Variants in ANKRD11 observed in about 807,000 individuals in gnomAD.
ANKRD11 encodes ankyrin repeat domain 11.
ANKRD11 carries 17 observed loss-of-function variants against 195.7 expected under a neutral mutation model. The observed-to-expected ratio is 0.09, with a 90% CI of 0.06 to 0.13. The LOEUF (loss-of-function observed/expected upper bound fraction) is 0.13, where lower values mean the gene tolerates loss of function less well. Ranked by LOEUF, ANKRD11 falls within the 10% of genes least tolerant of loss-of-function variation. ANKRD11 has a pLI of 1.00. For synonymous variants in ANKRD11, 1,953 were observed against 1,528.1 expected, an observed-to-expected ratio of 1.28 and a Z score of -6.49; for missense variants, 3,735 against 3,566.1, an observed-to-expected ratio of 1.05 and a Z score of -1.21.
chr16:89,439,038 T>TA (rs942792271), intron 1 of ANKRD11, among the ~76,000 whole-genome samples: 11 of 147,504 alleles, frequency 7.5e-5, no homozygotes, highest in South Asian at 2.1e-4. Context: ...ACCTTTCTCT[T>TA]AAAAAAAACA....
rs753691962 is a variant in ANKRD11, at chr16:89,280,280, C to A, written c.6262G>T (p.Ala2088Ser). The change falls in exon 9 of 13, where the codon GCT becomes TCT. Residue 2088 changes from alanine (A) to serine (S), a missense_variant. Transcript: ENST00000301030. The part of the protein sequence containing the change: ...DVAPEPACVA[A>S]VAQVEALGPL... ...CCCAGAGCCTCCACCTGAGCCACAG[C>A]GGCTACACAGGCGGGCTCGGGGGCC... 8.1e-6 allele frequency: 13 copies of A among 1,607,292 alleles called. No homozygotes were observed. Among genetic ancestry groups the A allele is most frequent in the Non-Finnish European group, 1.1e-5 (13 of 1,178,116 alleles).
At chr16:89,290,318 G>C (rs1597483753) in intron 6 of ANKRD11, among the ~76,000 whole-genome samples, 2 of 126,840 alleles carry the variant, frequency 1.6e-5, no homozygotes, top group African/African-American at 6.2e-5. Flanking sequence ...GCTCCAATGG[G>C]GGGAGGCTCA....
chr16:89,287,239 C>T (rs1453690614), intron 7 of ANKRD11: 1 of 474,322 alleles, frequency 2.1e-6, no homozygotes, highest in Non-Finnish European at 3.5e-6. Flanking sequence ...TCCTCGGGTT[C>T]TAACCTCTCC....
chr16:89,384,392 G>A (rs1346981313), intron 2 of ANKRD11, among the ~76,000 whole-genome samples: 3 of 152,224 alleles, frequency 2.0e-5, no homozygotes, highest in African/African-American at 4.8e-5. Context: ...TTAGCTAGGC[G>A]TAGTGGTGCA....
chr16:89,442,406 T>C (rs1309588023), intron 1 of ANKRD11, among the ~76,000 whole-genome samples: 2 of 152,320 alleles, frequency 1.3e-5, no homozygotes, highest in South Asian at 4.1e-4. Context: ...ACCTGTTTTG[T>C]AGAGACCAAG....
intron 1 of ANKRD11, among the ~76,000 whole-genome samples, chr16:89,467,015 TA>T (rs1445320486): frequency 2.0e-5 from 3 of 152,306 alleles, no homozygotes; most frequent in Admixed American, 2.0e-4. Flanking sequence ...TAGTTATGAA[TA>T]ACAAATGACA....
chr16:89,446,036 T>C (rs541229373), intron 1 of ANKRD11, among the ~76,000 whole-genome samples: 117 of 151,636 alleles, frequency 7.7e-4, no homozygotes, highest in African/African-American at 2.8e-3. Flanking sequence ...CTAGTATATG[T>C]TCCTGCCTAA....
At chr16:89,468,144 G>A (rs1029831898) in intron 1 of ANKRD11, among the ~76,000 whole-genome samples, 1 of 152,086 alleles carries the variant, frequency 6.6e-6, no homozygotes, top group African/African-American at 2.4e-5. Context: ...TCATGAACTT[G>A]GAAAGAAGGG....
chr16:89,467,099 A>C (rs2152343350), intron 1 of ANKRD11, among the ~76,000 whole-genome samples: 1 of 152,264 alleles, frequency 6.6e-6, no homozygotes, highest in African/African-American at 2.4e-5. Context: ...GGAGAAAAAG[A>C]CCACATAATC....
intron 6 of ANKRD11, among the ~76,000 whole-genome samples, chr16:89,289,373 A>ATT (rs1203469992): frequency 6.6e-6 from 1 of 152,198 alleles, no homozygotes; most frequent in Non-Finnish European, 1.5e-5. Flanking sequence ...TACACACACG[A>ATT]TTTTGCTCAT....
intron 4 of ANKRD11, chr16:89,301,438 A>C: frequency 2.5e-6 from 1 of 397,168 alleles, no homozygotes; most frequent in Non-Finnish European, 4.4e-6. Context: ...TCAAAAGCAG[A>C]TACAAGAGGC....
intron 3 of ANKRD11, among the ~76,000 whole-genome samples, chr16:89,310,292 A>G (rs889962342): frequency 6.6e-5 from 10 of 151,816 alleles, no homozygotes; most frequent in African/African-American, 2.4e-4. Context: ...TGTTCCACTC[A>G]CCCATGGGTC....
intron 1 of ANKRD11, among the ~76,000 whole-genome samples, chr16:89,463,064 C>G (rs1366084292): frequency 3.3e-5 from 5 of 150,970 alleles, no homozygotes; most frequent in Non-Finnish European, 7.4e-5. Context: ...GGTCAGCCCC[C>G]CCGCCCGGCC....
At chr16:89,288,798 G>T in intron 6 of ANKRD11, 128 bp from the exon 7 acceptor site, 1 of 1,354,746 alleles carries the variant, frequency 7.4e-7, no homozygotes, top group Non-Finnish European at 1.0e-6. Context: ...CTGTAGTGAG[G>T]GCTGCAGTTT....
intron 1 of ANKRD11, chr16:89,418,574 G>GC (rs2042391418): frequency 9.6e-6 from 2 of 209,358 alleles, no homozygotes; most frequent in South Asian, 1.3e-4. Context: ...TGCAGCAATT[G>GC]CAACAACTTA....
chr16:89,325,791 G>C (rs2037678988), intron 2 of ANKRD11, among the ~76,000 whole-genome samples: 1 of 152,200 alleles, frequency 6.6e-6, no homozygotes, highest in Admixed American at 6.5e-5. Flanking sequence ...GTCCTTGCAA[G>C]GCCTCAGAGG....
rs115336679 is a variant in ANKRD11 at position 89,423,172 on chromosome 16, A to G, written c.-144-4804T>C. ...CCCTCAGAGCCCAGGAGTCCATGTT[A>G]GCAAAGACAGGTCCCTACACTGGCC... is the stretch of plus-strand genomic sequence containing the variant. On this transcript the variant is annotated intron_variant, in intron 1 of 12. Transcript: ENST00000301030. 3.0e-3 allele frequency among the ~76,000 whole-genome samples: 456 copies of G among 152,308 alleles called. 5 individuals carry two copies. The highest frequency in any genetic ancestry group is 0.01 in the African/African-American group (431 of 41,570).
chr16:89,387,920 G>A (rs2040994789), intron 2 of ANKRD11, among the ~76,000 whole-genome samples: 1 of 149,454 alleles, frequency 6.7e-6, no homozygotes. Flanking sequence ...TGAGGCAGGA[G>A]AATCGCTTCT....
intron 1 of ANKRD11, among the ~76,000 whole-genome samples, chr16:89,442,757 C>G (rs755274722): frequency 5.3e-5 from 8 of 152,174 alleles, no homozygotes; most frequent in Non-Finnish European, 1.0e-4. Flanking sequence ...CTGCTGTTTA[C>G]CCTGCTCCCC....
Sources: allele counts gnomAD v4.1 joint callset (sites outside exome capture counted in the v4.1 genomes callset), GRCh38; gene constraint gnomAD v4.1.1; transcripts MANE v1.5; gene names NCBI Gene and HGNC (gene_info 2026-07-23, HGNC 2026-07-21).